The following USP14 variants were observed in gnomAD, a reference collection of about 807,000 sequenced individuals.
USP14 encodes ubiquitin specific peptidase 14.
USP14 carries 38 observed loss-of-function variants against 76.5 expected under a neutral mutation model. That is an observed-to-expected ratio of 0.50 (90% CI 0.38 to 0.65). The LOEUF is 0.65. Ranked by LOEUF, USP14 falls within the 30% of genes least tolerant of loss-of-function variation. The pLI is 0.00. For synonymous variants in USP14, 192 were observed against 191.7 expected (o/e 1.00, Z -0.01); for missense variants, 467 against 586.5 (o/e 0.80, Z 2.10).
intron 9 of USP14, among the ~76,000 whole-genome samples, chr18:198,535 T>TA (rs2143072407): frequency 6.6e-6 from 1 of 152,178 alleles, no homozygotes; most frequent in Admixed American, 6.5e-5. Context: ...TTTTTATACC[T>TA]AAAAAAATAC....
intron 1 of USP14, among the ~76,000 whole-genome samples, chr18:160,942 T>C (rs1168038805): frequency 6.6e-6 from 1 of 152,176 alleles, no homozygotes; most frequent in Non-Finnish European, 1.5e-5. Context: ...TTTTTTATTT[T>C]TTGAGACCAA....
At chr18:201,271 A>C (rs1910377287) in intron 10 of USP14, among the ~76,000 whole-genome samples, 1 of 152,260 alleles carries the variant, frequency 6.6e-6, no homozygotes, top group Non-Finnish European at 1.5e-5. Context: ...AACCATGACC[A>C]ATAAAGAGAA....
intron 5 of USP14, among the ~76,000 whole-genome samples, chr18:184,462 G>A (rs1909873341): frequency 6.6e-6 from 1 of 152,172 alleles, no homozygotes; most frequent in Non-Finnish European, 1.5e-5. Context: ...TATAGAGTGG[G>A]AGGTATGGGT....
At chr18:163,184 A>G in intron 1 of USP14, 124 bp from the exon 2 acceptor site, 2 of 833,764 alleles carry the variant, frequency 2.4e-6, no homozygotes, top group Non-Finnish European at 3.7e-6. Context: ...GGTAAGTGTT[A>G]TGGGCATAGA....
chr18:167,320 T>C lies in USP14; in HGVS notation c.195+501T>C, dbSNP rs144180696. ...TGAAATAAGATAGTATATGTTCTTA[T>C]GCTCTCCAACTTTCTCCTCTTTGAG... is the stretch of plus-strand genomic sequence containing the variant. On this transcript the variant is annotated intron_variant, in intron 3 of 15. Coordinates refer to ENST00000261601, the MANE Select transcript of USP14 (RefSeq NM_005151.4). Among the ~76,000 whole-genome samples, 723 of 152,352 alleles carry C rather than the reference T, an allele frequency of 4.7e-3. 3 individuals carry two copies. Among genetic ancestry groups the C allele is most frequent in the African/African-American group, 0.017 (697 of 41,576 alleles).
chr18:203,093 C>T lies in USP14; in HGVS notation c.943-5C>T, dbSNP rs1228401137. 2 of 1,613,134 alleles carry T rather than the reference C, an allele frequency of 1.2e-6. No individual in the cohort carries two copies. The highest frequency in any genetic ancestry group is 1.7e-6 in the Non-Finnish European group (2 of 1,179,858). Reference sequence around the variant, plus strand: ...ATGGGATTTCTTTACATTTTGTCTCCTCAGTCCAAGATCAGCCGGCTGCCT... The same window carrying T: ...ATGGGATTTCTTTACATTTTGTCTCTTCAGTCCAAGATCAGCCGGCTGCCT... On this transcript the variant is annotated splice_polypyrimidine_tract_variant and splice_region_variant and intron_variant, in intron 11 of 15. Coordinates refer to ENST00000261601, the MANE Select transcript of USP14 (RefSeq NM_005151.4).
At chr18:193,014 G>C in intron 6 of USP14, 114 bp downstream of exon 6, 2 of 738,174 alleles carry the variant, frequency 2.7e-6, no homozygotes, top group Non-Finnish European at 4.2e-6. Flanking sequence ...ATTAAGCCTG[G>C]AGTGTACATT....
In USP14 at chr18:214,180, A is replaced by C. The variant is rs1910775459; in HGVS notation, c.*2896A>C. Reference sequence around the variant, plus strand: ...TTAATGATCAAGACTCGTGGCAGGCAGAACAAACCATCATTTGTTGATCCT... The same window carrying C: ...TTAATGATCAAGACTCGTGGCAGGCCGAACAAACCATCATTTGTTGATCCT... On this transcript the variant is annotated 3_prime_UTR_variant, in exon 16 of 16. Coordinates refer to ENST00000261601, the MANE Select transcript of USP14 (RefSeq NM_005151.4). 1 of 159,404 alleles carries C rather than the reference A, an allele frequency of 6.3e-6. No individual in the cohort carries two copies. The highest frequency in any genetic ancestry group is 1.4e-5 in the Non-Finnish European group (1 of 72,842). 9.9% of individuals were successfully genotyped at this position (159,404 alleles called of 1,614,324 possible). A position where few individuals can be genotyped will look rare whatever the true frequency, so the allele number is the denominator to read the frequency against.
chr18:188,410 T>C (rs1409774682), intron 5 of USP14, among the ~76,000 whole-genome samples: 2 of 152,048 alleles, frequency 1.3e-5, no homozygotes, highest in Non-Finnish European at 1.5e-5. Context: ...ATTCTTTCAA[T>C]ATATAGCGCT....
chr18:207,011 C>T (rs1910546715), intron 13 of USP14, among the ~76,000 whole-genome samples: 1 of 152,148 alleles, frequency 6.6e-6, no homozygotes, highest in Admixed American at 6.6e-5. Context: ...GGTGTGGGTT[C>T]AGATTCATTG....
At chr18:200,912 C>T (rs1186646146) in intron 10 of USP14, among the ~76,000 whole-genome samples, 1 of 152,094 alleles carries the variant, frequency 6.6e-6, no homozygotes, top group African/African-American at 2.4e-5. Flanking sequence ...AGAGATTCTC[C>T]TGCCTTAGCC....
In USP14 at chr18:213,426, GAGTT is replaced by G. The variant is rs557986233; in HGVS notation, c.*2148_*2151del. 1 of 152,112 alleles carries G rather than the reference GAGTT, an allele frequency of 6.6e-6. No individual in the cohort carries two copies. Among genetic ancestry groups the G allele is most frequent in the African/African-American group, 2.4e-5 (1 of 41,338 alleles). The allele number at this position is 152,112 out of a possible 1,614,324, so 9.4% of individuals were successfully genotyped here. On this transcript the variant is annotated 3_prime_UTR_variant, in exon 16 of 16. Transcript: ENST00000261601. ...AAAGAATTTTTTCAAGTAGAAATGGGAGTTAGTTATACCAGTGTTGTTTTTAACT... is the reference window on the plus strand; with the variant it reads ...AAAGAATTTTTTCAAGTAGAAATGGGAGTTATACCAGTGTTGTTTTTAACT...
At chr18:204,739 A>G (rs767484871) in intron 13 of USP14, 47 bp downstream of exon 13, 11 of 1,591,574 alleles carry the variant, frequency 6.9e-6, no homozygotes, top group Admixed American at 1.9e-5. Context: ...TTAATCTCCC[A>G]TCAGTGCTCA....
At chr18:202,576 T>C (rs945121975) in intron 10 of USP14, among the ~76,000 whole-genome samples, 3 of 152,184 alleles carry the variant, frequency 2.0e-5, no homozygotes, top group African/African-American at 7.2e-5. Flanking sequence ...TTATATAAAA[T>C]ACAATATAAA....
intron 5 of USP14, among the ~76,000 whole-genome samples, chr18:181,795 C>T (rs2144237669): frequency 6.6e-6 from 1 of 151,856 alleles, no homozygotes; most frequent in African/African-American, 2.4e-5. Flanking sequence ...ATGTAAAAGC[C>T]ATTGTCTAAT....
intron 9 of USP14, 119 bp downstream of exon 9, chr18:198,251 C>A: frequency 1.1e-6 from 1 of 887,874 alleles, no homozygotes. Flanking sequence ...GGTTTTTTTT[C>A]TTTGAGACGG....
At chr18:171,515 A>G (rs1241688466) in intron 3 of USP14, among the ~76,000 whole-genome samples, 2 of 152,186 alleles carry the variant, frequency 1.3e-5, no homozygotes, top group Non-Finnish European at 2.9e-5. Context: ...TAAGGCCACC[A>G]TTGAGACTTC....
chr18:197,749 T>G, intron 8 of USP14, 53 bp downstream of exon 8: 1 of 1,443,674 alleles, frequency 6.9e-7, no homozygotes. Context: ...TGATTTTTTT[T>G]TTTATTTTTT....
intron 1 of USP14, among the ~76,000 whole-genome samples, chr18:160,916 G>GTATTT (rs749763559): frequency 6.6e-6 from 1 of 151,928 alleles, no homozygotes; most frequent in Non-Finnish European, 1.5e-5. Context: ...AAGCCTTTAC[G>GTATTT]TATTTTATTT....
Sources: allele counts gnomAD v4.1 joint callset (sites outside exome capture counted in the v4.1 genomes callset), GRCh38; gene constraint gnomAD v4.1.1; transcripts MANE v1.5; gene names NCBI Gene and HGNC (gene_info 2026-07-23, HGNC 2026-07-21).